Variants in MS4A4E observed in about 807,000 individuals in gnomAD.
The protein encoded by MS4A4E is membrane spanning 4-domains A4E.
In MS4A4E, 23 loss-of-function variants were observed where a neutral mutation model predicts 13.3. The observed-to-expected ratio is 1.73, with a 90% CI of 1.25 to 2.45. The LOEUF is 2.45. Among genes scored for constraint, MS4A4E ranks in the 30% most tolerant of loss-of-function variants. The pLI is 0.00. For missense variants in MS4A4E, 144 were observed against 131.2 expected, an observed-to-expected ratio of 1.10 and a Z score of -0.48; for synonymous variants, 36 against 45.6, an observed-to-expected ratio of 0.79 and a Z score of 0.85.
chr11:60,232,282 T>TC (rs1473367435), intron 1 of MS4A4E, among the ~76,000 whole-genome samples: 9 of 41,614 alleles, frequency 2.2e-4, no homozygotes, highest in African/African-American at 9.3e-4. Flanking sequence ...CTCATCGCCA[T>TC]CAACACACAC....
intron 8 of MS4A4E, among the ~76,000 whole-genome samples, chr11:60,204,414 A>C (rs951808824): frequency 1.3e-5 from 2 of 152,226 alleles, no homozygotes; most frequent in Non-Finnish European, 2.9e-5. Flanking sequence ...AGCAAATTAC[A>C]TCAACTCAAC....
chr11:60,205,864 C>T (rs1210504953), intron 6 of MS4A4E, among the ~76,000 whole-genome samples, 44 bp from the exon 7 acceptor site: 2 of 152,040 alleles, frequency 1.3e-5, no homozygotes, highest in African/African-American at 2.4e-5. Context: ...TTAACAAATA[C>T]CATATGTTGC....
At chr11:60,207,335 A>G (rs1351559317) in intron 6 of MS4A4E, among the ~76,000 whole-genome samples, 1 of 152,208 alleles carries the variant, frequency 6.6e-6, no homozygotes, top group African/African-American at 2.4e-5. Flanking sequence ...CCCAGCTTCT[A>G]TGCAAAGAGC....
chr11:60,212,310 CTTTT>C (rs35160855), intron 5 of MS4A4E, among the ~76,000 whole-genome samples: 1 of 137,848 alleles, frequency 7.3e-6, no homozygotes, highest in Non-Finnish European at 1.6e-5. Flanking sequence ...GCACTGACAT[CTTTT>C]TTTTTTTTTT....
chr11:60,237,028 G>T (rs771183199), intron 1 of MS4A4E, among the ~76,000 whole-genome samples: 1 of 152,014 alleles, frequency 6.6e-6, no homozygotes, highest in African/African-American at 2.4e-5. Context: ...GAGCCACTGC[G>T]CCCAACCATA....
Position 60,200,973 on chromosome 11 carries a change from AC to A in MS4A4E, c.*569del, listed in dbSNP as rs1173082483. Reference sequence around the variant, plus strand: ...GGCGGCTGGCCGGGTGGGGGGCTGAACCCCCCACCTCCCTCCCGGACGGGGC... The same window carrying A: ...GGCGGCTGGCCGGGTGGGGGGCTGAACCCCCACCTCCCTCCCGGACGGGGC... On this transcript the variant is annotated 3_prime_UTR_variant, in exon 9 of 9. Coordinates refer to ENST00000651255, the MANE Select transcript of MS4A4E (RefSeq NM_001393391.1). 3.0e-5 allele frequency among the ~76,000 whole-genome samples: 3 copies of A among 99,436 alleles called. No homozygotes were observed. The highest frequency in any genetic ancestry group is 1.0e-4 in the Admixed American group (1 of 9,922). 65.2% of individuals were successfully genotyped at this position (99,436 alleles called of 152,430 possible). A position where few individuals can be genotyped will look rare whatever the true frequency, so the allele number is the denominator to read the frequency against.
At chr11:60,230,569 G>A (rs2084396587) in intron 1 of MS4A4E, among the ~76,000 whole-genome samples, 1 of 152,120 alleles carries the variant, frequency 6.6e-6, no homozygotes, top group South Asian at 2.1e-4. Context: ...CTTGTATTTT[G>A]TCCCATAAGC....
At chr11:60,203,058 C>CAG (rs1256798114) in intron 8 of MS4A4E, among the ~76,000 whole-genome samples, 3 of 152,262 alleles carry the variant, frequency 2.0e-5, no homozygotes, top group Non-Finnish European at 4.4e-5. Flanking sequence ...TACTCTTATA[C>CAG]TTAGTACAGT....
intron 3 of MS4A4E, among the ~76,000 whole-genome samples, chr11:60,223,816 C>T (rs1006900832): frequency 3.3e-5 from 5 of 152,042 alleles, no homozygotes; most frequent in African/African-American, 1.2e-4. Context: ...GGCTTCATTG[C>T]CCCTCAGCTT....
intron 1 of MS4A4E, among the ~76,000 whole-genome samples, chr11:60,233,840 G>T (rs1590728273): frequency 6.6e-6 from 1 of 152,246 alleles, no homozygotes; most frequent in East Asian, 1.9e-4. Context: ...CTACCTTTGA[G>T]ATCTCAGAAC....
At chr11:60,236,895 C>A (rs1424173128) in intron 1 of MS4A4E, among the ~76,000 whole-genome samples, 6 of 152,050 alleles carry the variant, frequency 3.9e-5, no homozygotes, top group Non-Finnish European at 7.4e-5. Flanking sequence ...CACCACCACG[C>A]CCGGCTAATT....
chr11:60,224,781 G>A (rs566740333), intron 3 of MS4A4E, among the ~76,000 whole-genome samples: 14 of 152,046 alleles, frequency 9.2e-5, no homozygotes, highest in East Asian at 1.9e-4. Context: ...GTATTTAATC[G>A]CCTAGCTTTA....
chr11:60,242,373 T>C (rs966634036), intron 1 of MS4A4E, among the ~76,000 whole-genome samples: 9 of 152,220 alleles, frequency 5.9e-5, no homozygotes, highest in African/African-American at 2.2e-4. Context: ...CATTTGCAGA[T>C]TTTATCATGA....
intron 3 of MS4A4E, among the ~76,000 whole-genome samples, chr11:60,228,222 A>G (rs1462073970): frequency 6.6e-6 from 1 of 152,242 alleles, no homozygotes; most frequent in East Asian, 1.9e-4. Context: ...TTCAAAATAT[A>G]CAACGAAATT....
Position 60,243,004 on chromosome 11 carries a change from G to C in MS4A4E, c.-63C>G. The C allele has an allele frequency of 1.3e-6, 2 of 1,555,104 alleles. No homozygotes were observed. The highest frequency in any genetic ancestry group is 1.8e-6 in the Non-Finnish European group (2 of 1,142,214). ...CTGCTGCAGGTCTGATGAGTGCAGG[G>C]CTCTGGGCAAGTTCCTCAAAGTTCT... On this transcript the variant is annotated 5_prime_UTR_variant, in exon 1 of 9. Coordinates refer to ENST00000651255, the MANE Select transcript of MS4A4E (RefSeq NM_001393391.1).
At position 60,201,092 on chromosome 11, in the gene MS4A4E, C is replaced by T. The variant is rs1476668872; in HGVS notation, c.*451G>A. On this transcript the variant is annotated 3_prime_UTR_variant, in exon 9 of 9. Transcript: ENST00000651255. ...CTGAACCCCCCACCTCCCTCCCGGA[C>T]GGGGCGGCTGGCCGGGCGGGGTCTG... 1.4e-4 allele frequency among the ~76,000 whole-genome samples: 19 copies of T among 133,944 alleles called. No individual in the cohort carries two copies. Among genetic ancestry groups the T allele is most frequent in the Admixed American group, 2.2e-4 (3 of 13,544 alleles). 87.9% of individuals were successfully genotyped at this position (133,944 alleles called of 152,430 possible).
chr11:60,217,186 C>T (rs1253291789), intron 3 of MS4A4E, among the ~76,000 whole-genome samples: 1 of 152,148 alleles, frequency 6.6e-6, no homozygotes. Flanking sequence ...GAGTGAGAGT[C>T]TTATCTTCTG....
chr11:60,221,623 C>T (rs1332802535), intron 3 of MS4A4E, among the ~76,000 whole-genome samples: 1 of 152,176 alleles, frequency 6.6e-6, no homozygotes, highest in Non-Finnish European at 1.5e-5. Context: ...CACTGCACCT[C>T]ATTGTGCACT....
chr11:60,240,615 C>T (rs1358596853), intron 1 of MS4A4E, among the ~76,000 whole-genome samples: 4 of 152,144 alleles, frequency 2.6e-5, no homozygotes, highest in Admixed American at 6.5e-5. Flanking sequence ...TTGAATTTCT[C>T]CTTTTTATTT....
Sources: gnomAD v4.1 joint callset for allele counts (sites outside exome capture counted in the v4.1 genomes callset) on GRCh38, gnomAD v4.1.1 for gene constraint, MANE v1.5 for transcripts, NCBI Gene and HGNC (gene_info 2026-07-23, HGNC 2026-07-21) for gene names.